The following KCNT2 variants were observed in gnomAD, a reference collection of about 807,000 sequenced individuals.
KCNT2 encodes the protein potassium sodium-activated channel subfamily T member 2.
A neutral mutation model predicts 153.8 loss-of-function variants in KCNT2; 67 were observed. The observed-to-expected ratio is 0.44, with a 90% CI of 0.36 to 0.53. KCNT2 has a LOEUF of 0.53. Among genes scored for constraint, KCNT2 ranks in the 20% least tolerant of loss-of-function variants. The pLI is 0.00. For synonymous variants in KCNT2, 500 were observed against 458.8 expected (o/e 1.09, Z -1.15); for missense variants, 975 against 1,354.8 (o/e 0.72, Z 4.40).
chr1:196,340,494 T>A lies in KCNT2; in HGVS notation c.1630A>T (p.Met544Leu), dbSNP rs756575570. The change falls in exon 16 of 28, where the codon ATG (methionine) becomes TTG (leucine). Residue 544 changes from methionine to leucine, a missense_variant. Around this residue, in one of 6 missense-constraint regions of KCNT2, gnomAD observed 325 missense variants for 388.1 expected, o/e 0.84. Coordinates refer to ENST00000294725, the MANE Select transcript of KCNT2 (RefSeq NM_198503.5). ...TAAAAGCATATGTCTGTAGAATTCA[T>A]AATGTATCGAGGACCTGGATTCAGC... The part of the protein sequence containing the change: ...ILLNPGPRYI[M>L]NSTDICFYIN... 7.4e-6 allele frequency: 12 copies of A among 1,612,054 alleles called. No individual in the cohort carries two copies. Among genetic ancestry groups the A allele is most frequent in the Non-Finnish European group, 1.0e-5 (12 of 1,178,682 alleles).
intron 1 of KCNT2, among the ~76,000 whole-genome samples, chr1:196,550,791 G>T (rs1370176358): frequency 3.3e-5 from 5 of 151,700 alleles, no homozygotes. Context: ...TGAACCAAAG[G>T]CTATGGGGGC....
chr1:196,563,041 A>T (rs1446258845), intron 1 of KCNT2, among the ~76,000 whole-genome samples: 3 of 151,954 alleles, frequency 2.0e-5, no homozygotes, highest in Non-Finnish European at 4.4e-5. Context: ...GGACTTGAGC[A>T]CTACATGTAA....
chr1:196,574,910 CCT>C (rs970003220), intron 1 of KCNT2, among the ~76,000 whole-genome samples: 35 of 151,816 alleles, frequency 2.3e-4, no homozygotes, highest in Admixed American at 1.9e-3. Flanking sequence ...GATATTTCTC[CCT>C]GTTTTCAACA....
chr1:196,270,066 G>A (rs1657922919), intron 25 of KCNT2, among the ~76,000 whole-genome samples: 1 of 151,912 alleles, frequency 6.6e-6, no homozygotes, highest in African/African-American at 2.4e-5. Context: ...CTGTGCAGTA[G>A]TGGGATGTTT....
At chr1:196,586,464 C>T (rs904861100) in intron 1 of KCNT2, among the ~76,000 whole-genome samples, 9 of 151,928 alleles carry the variant, frequency 5.9e-5, no homozygotes, top group African/African-American at 2.2e-4. Context: ...TTGTTTGACA[C>T]TAGTCAATTG....
At chr1:196,548,276 T>C (rs1024391278) in intron 1 of KCNT2, among the ~76,000 whole-genome samples, 8 of 151,902 alleles carry the variant, frequency 5.3e-5, no homozygotes, top group Non-Finnish European at 1.0e-4. Flanking sequence ...GAATCTTAAA[T>C]CCAGAATCTA....
chr1:196,245,339 CA>C (rs1010206053), intron 26 of KCNT2, among the ~76,000 whole-genome samples: 1 of 151,980 alleles, frequency 6.6e-6, no homozygotes, highest in Admixed American at 6.6e-5. Flanking sequence ...AAAGCCAAAG[CA>C]AACCCAAAAA....
chr1:196,454,563 T>C (rs1557956404), intron 8 of KCNT2, among the ~76,000 whole-genome samples: 1 of 151,948 alleles, frequency 6.6e-6, no homozygotes, highest in Non-Finnish European at 1.5e-5. Flanking sequence ...TATTTCATGG[T>C]GTATCTGTAC....
intron 1 of KCNT2, among the ~76,000 whole-genome samples, chr1:196,559,415 C>A (rs763824020): frequency 8.6e-5 from 13 of 151,720 alleles, no homozygotes; most frequent in Non-Finnish European, 1.5e-4. Context: ...TCGATTGTTT[C>A]CAGTTTTATG....
chr1:196,375,000 C>A (rs551953917), intron 13 of KCNT2, among the ~76,000 whole-genome samples: 1 of 151,892 alleles, frequency 6.6e-6, no homozygotes, highest in African/African-American at 2.4e-5. Flanking sequence ...AACCATATTT[C>A]TTTCAGTAGG....
At chr1:196,301,052 C>T (rs941662711) in intron 22 of KCNT2, among the ~76,000 whole-genome samples, 1 of 152,150 alleles carries the variant, frequency 6.6e-6, no homozygotes, top group African/African-American at 2.4e-5. Flanking sequence ...TTACTCTGGT[C>T]TCTTCTTTGA....
At chr1:196,422,614 C>G (rs181973509) in intron 12 of KCNT2, among the ~76,000 whole-genome samples, 2 of 151,844 alleles carry the variant, frequency 1.3e-5, no homozygotes, top group African/African-American at 4.8e-5. Context: ...TTTAAAAATA[C>G]AGAGATTGTT....
chr1:196,341,259 G>A (rs1396410806), intron 15 of KCNT2, among the ~76,000 whole-genome samples: 1 of 151,838 alleles, frequency 6.6e-6, no homozygotes, highest in Non-Finnish European at 1.5e-5. Context: ...CTACAGTTGG[G>A]CAAAATCATC....
intron 5 of KCNT2, among the ~76,000 whole-genome samples, chr1:196,477,566 A>G (rs1281808108): frequency 6.6e-6 from 1 of 152,060 alleles, no homozygotes; most frequent in Non-Finnish European, 1.5e-5. Context: ...AGCCTGGGTG[A>G]CAGTGTGAGA....
chr1:196,348,761 C>T (rs1226422075), intron 14 of KCNT2, among the ~76,000 whole-genome samples: 1 of 152,090 alleles, frequency 6.6e-6, no homozygotes, highest in South Asian at 2.1e-4. Flanking sequence ...CACGGTGGCT[C>T]ACGCCTGTAA....
At chr1:196,485,186 T>C (rs1235803746) in intron 3 of KCNT2, among the ~76,000 whole-genome samples, 1 of 151,792 alleles carries the variant, frequency 6.6e-6, no homozygotes, top group East Asian at 1.9e-4. Context: ...CTCAGCAAAC[T>C]AACATAGGAA....
rs192779788 is a variant in KCNT2 at position 196,366,010 on chromosome 1, T to G, written c.1403+7130A>C. ...GTTTATATGGTCATGACAGCCAAAT[T>G]TGTATGTTCATCAACATTCTTATAA... On this transcript the variant is annotated intron_variant, in intron 14 of 27. Transcript: ENST00000294725. 1.3e-3 allele frequency among the ~76,000 whole-genome samples: 198 copies of G among 152,284 alleles called. 1 individual carries two copies. The highest frequency in any genetic ancestry group is 4.6e-3 in the African/African-American group (191 of 41,558).
intron 19 of KCNT2, among the ~76,000 whole-genome samples, chr1:196,323,575 A>C (rs1663543769): frequency 6.6e-6 from 1 of 151,948 alleles, no homozygotes; most frequent in African/African-American, 2.4e-5. Context: ...TTTAATTACC[A>C]TTTAAGATCT....
At chr1:196,390,472 A>G (rs951396203) in intron 13 of KCNT2, among the ~76,000 whole-genome samples, 10 of 151,480 alleles carry the variant, frequency 6.6e-5, no homozygotes, top group Non-Finnish European at 8.9e-5. Flanking sequence ...CAGAAAATAT[A>G]TGGAATGTTT....
Sources: gnomAD v4.1 joint callset for allele counts (sites outside exome capture counted in the v4.1 genomes callset) on GRCh38, gnomAD v4.1.1 for gene constraint, gnomAD v4.1.1 regional missense constraint, MANE v1.5 for transcripts, NCBI Gene and HGNC (gene_info 2026-07-23, HGNC 2026-07-21) for gene names.